The following FHIT variants were observed in gnomAD, a reference collection of about 807,000 sequenced individuals.
The protein encoded by FHIT is fragile histidine triad diadenosine triphosphatase.
In FHIT, 19 loss-of-function variants were observed where a neutral mutation model predicts 17.9. The ratio of observed to expected loss-of-function variants is 1.06; its 90% CI spans 0.74 to 1.56. The LOEUF (loss-of-function observed/expected upper bound fraction) is 1.56. FHIT is among the 40% of genes most tolerant of loss of function. FHIT has a pLI of 0.00. For synonymous variants in FHIT, 81 were observed against 69.7 expected, an observed-to-expected ratio of 1.16 and a Z score of -0.81; for missense variants, 248 against 189.2, an observed-to-expected ratio of 1.31 and a Z score of -1.82.
chr3:59,921,376 G>A (rs1705395116), intron 8 of FHIT, among the ~76,000 whole-genome samples: 1 of 152,318 alleles, frequency 6.6e-6, no homozygotes, highest in Middle Eastern at 3.4e-3. Context: ...TTATTTGATA[G>A]AGCCACATGA....
At chr3:60,425,523 C>T (rs1027296830) in intron 5 of FHIT, among the ~76,000 whole-genome samples, 1 of 151,974 alleles carries the variant, frequency 6.6e-6, no homozygotes. Flanking sequence ...CACATGTACC[C>T]CTGAACCTAG....
chr3:60,295,797 G>A (rs1259107535), intron 5 of FHIT, among the ~76,000 whole-genome samples: 1 of 152,144 alleles, frequency 6.6e-6, no homozygotes, highest in Non-Finnish European at 1.5e-5. Context: ...AATAGAGAAA[G>A]GATAGCTTTT....
intron 5 of FHIT, among the ~76,000 whole-genome samples, chr3:60,227,589 G>C (rs906452990): frequency 6.6e-6 from 1 of 152,174 alleles, no homozygotes; most frequent in Admixed American, 6.5e-5. Flanking sequence ...CGGCTGAAAT[G>C]AACAATCAAC....
rs148953804 is a variant in FHIT at position 59,752,242 on chromosome 3, C to G, written c.428G>C (p.Arg143Pro). ...TTACCTGTGTCACTGAAAGTAGACC[C>G]GCAGAGCTGCGGCTTCTGCTGCCAT... ...EEMAAEAAALRVYFQ is the reference protein window; with the variant it reads ...EEMAAEAAALPVYFQ Residue 143 changes from arginine (R) to proline (P), a missense_variant, in exon 9 of 10, where the codon CGG becomes CCG. Physicochemically the swap from Arg to Pro is moderately radical, Grantham distance 103. Transcript: ENST00000492590. 42 of 1,612,394 alleles carry G rather than the reference C, an allele frequency of 2.6e-5. No homozygotes were observed. Among genetic ancestry groups the G allele is most frequent in the East Asian group, 1.6e-4 (7 of 44,766 alleles).
chr3:59,867,364 C>G (rs1575611956), intron 8 of FHIT, among the ~76,000 whole-genome samples: 1 of 151,478 alleles, frequency 6.6e-6, no homozygotes, highest in Non-Finnish European at 1.5e-5. Context: ...CACATTCATT[C>G]TTAATCAGCA....
intron 8 of FHIT, among the ~76,000 whole-genome samples, chr3:59,897,772 CTTTTTTTTTT>C (rs11401556): frequency 4.8e-5 from 7 of 144,590 alleles, no homozygotes; most frequent in Non-Finnish European, 9.1e-5. Flanking sequence ...CTTTTTTTTT[CTTTTTTTTTT>C]TTGAGAGGGA....
rs563737426 is a variant in FHIT, at chr3:59,885,909, C to G, written c.348+36437G>C. Among the ~76,000 whole-genome samples, 8 of 152,290 alleles carry G rather than the reference C, an allele frequency of 5.3e-5. No homozygotes were observed. In the South Asian group the frequency reaches 1.7e-3, roughly 32 times the overall value. ...CAGGCCTCAACCAAGAGCACATTTGCTAGTTTTTCTTGAAATGTTCAGAAC... is the reference window on the plus strand; with the variant it reads ...CAGGCCTCAACCAAGAGCACATTTGGTAGTTTTTCTTGAAATGTTCAGAAC... On this transcript the variant is annotated intron_variant, in intron 8 of 9. Coordinates refer to ENST00000492590, the MANE Select transcript of FHIT (RefSeq NM_002012.4).
At chr3:59,919,367 C>T (rs546795124) in intron 8 of FHIT, among the ~76,000 whole-genome samples, 7 of 152,164 alleles carry the variant, frequency 4.6e-5, no homozygotes, top group African/African-American at 1.4e-4. Context: ...CTTTGTAGTC[C>T]GATACTCACA....
chr3:60,779,460 G>A (rs114674455), intron 4 of FHIT, among the ~76,000 whole-genome samples: 1 of 152,090 alleles, frequency 6.6e-6, no homozygotes, highest in East Asian at 1.9e-4. Flanking sequence ...AATAAATAGG[G>A]TGCCCATTAC....
chr3:59,814,006 G>A (rs1336363466), intron 8 of FHIT, among the ~76,000 whole-genome samples: 3 of 150,482 alleles, frequency 2.0e-5, no homozygotes, highest in African/African-American at 7.4e-5. Context: ...TAAAAGGACG[G>A]ATTCATCCGA....
At chr3:60,234,550 T>C (rs1704671269) in intron 5 of FHIT, among the ~76,000 whole-genome samples, 1 of 152,248 alleles carries the variant, frequency 6.6e-6, no homozygotes, top group African/African-American at 2.4e-5. Flanking sequence ...CAGGAGATTT[T>C]GCTAAATGTA....
intron 5 of FHIT, among the ~76,000 whole-genome samples, chr3:60,441,278 T>C (rs1025329202): frequency 6.6e-6 from 1 of 152,082 alleles, no homozygotes; most frequent in Non-Finnish European, 1.5e-5. Context: ...ACCAGTAAGT[T>C]TGACCATGTC....
At chr3:61,249,559 G>A (rs1306965318) in intron 1 of FHIT, among the ~76,000 whole-genome samples, 2 of 152,038 alleles carry the variant, frequency 1.3e-5, no homozygotes, top group African/African-American at 4.8e-5. Flanking sequence ...TAAGCAGAAG[G>A]GCTTACAGTC....
intron 3 of FHIT, among the ~76,000 whole-genome samples, chr3:60,889,369 G>A (rs1380598456): frequency 6.6e-6 from 1 of 152,210 alleles, no homozygotes; most frequent in Non-Finnish European, 1.5e-5. Context: ...CCCTTCTGTA[G>A]AAGTAACTTG....
chr3:60,521,874 T>A (rs145635649), intron 5 of FHIT, among the ~76,000 whole-genome samples: 2 of 152,286 alleles, frequency 1.3e-5, no homozygotes, highest in Non-Finnish European at 2.9e-5. Flanking sequence ...TCTTCTCCCA[T>A]GTACATTCAA....
rs111634856 is a variant in FHIT, at chr3:60,038,598, C to T, written c.104-24446G>A. Among the ~76,000 whole-genome samples, 1,280 of 152,204 alleles carry T rather than the reference C, an allele frequency of 8.4e-3. 9 individuals are homozygous for T. Among genetic ancestry groups the T allele is most frequent in the South Asian group, 0.038 (183 of 4,826 alleles). The stretch of plus-strand genomic sequence containing the variant: ...GTTGTGCCTTCATTAAGGTACAAAA[C>T]ATTAAACACCTGGAATGCTGCTCGA... On this transcript the variant is annotated intron_variant, in intron 5 of 9. Transcript: ENST00000492590.
chr3:60,362,739 T>C (rs1699953291), intron 5 of FHIT, among the ~76,000 whole-genome samples: 1 of 152,222 alleles, frequency 6.6e-6, no homozygotes, highest in African/African-American at 2.4e-5. Context: ...ACTCATTTTC[T>C]TCATCAATAA....
chr3:60,133,054 C>G (rs1294209618), intron 5 of FHIT, among the ~76,000 whole-genome samples: 1 of 152,038 alleles, frequency 6.6e-6, no homozygotes, highest in Non-Finnish European at 1.5e-5. Flanking sequence ...GAAAGACTAC[C>G]AGGAGACAGG....
At chr3:60,151,954 G>T (rs1217171186) in intron 5 of FHIT, among the ~76,000 whole-genome samples, 1 of 152,098 alleles carries the variant, frequency 6.6e-6, no homozygotes, top group African/African-American at 2.4e-5. Context: ...ATCCCTATGG[G>T]CACAAGTACT....
Sources: gnomAD v4.1 joint callset for allele counts (sites outside exome capture counted in the v4.1 genomes callset) on GRCh38, gnomAD v4.1.1 for gene constraint, MANE v1.5 for transcripts, NCBI Gene and HGNC (gene_info 2026-07-23, HGNC 2026-07-21) for gene names.